DDX10: variants seen among roughly 807,000 people sequenced by gnomAD.
DDX10 encodes DEAD-box helicase 10.
A neutral mutation model predicts 104.3 loss-of-function variants in DDX10; 74 were observed. That is an observed-to-expected ratio of 0.71 (90% CI 0.59 to 0.86). The LOEUF (loss-of-function observed/expected upper bound fraction) is 0.86, where lower values mean the gene tolerates loss of function less well. Ranked by LOEUF, DDX10 falls within the 40% of genes least tolerant of loss-of-function variation. The pLI, the probability that DDX10 is intolerant of heterozygous loss-of-function variation, is 0.00. For missense variants in DDX10, 952 were observed against 1,040.0 expected (o/e 0.92, Z 1.16); for synonymous variants, 351 against 353.4 (o/e 0.99, Z 0.08).
intron 13 of DDX10, among the ~76,000 whole-genome samples, chr11:108,794,123 A>T (rs1861907689): frequency 6.6e-6 from 1 of 152,184 alleles, no homozygotes; most frequent in Admixed American, 6.5e-5. Flanking sequence ...TATTGTGAAT[A>T]GTGCTTGCTG....
At chr11:108,725,340 A>G (rs1018168013) in intron 13 of DDX10, among the ~76,000 whole-genome samples, 1 of 152,112 alleles carries the variant, frequency 6.6e-6, no homozygotes, top group African/African-American at 2.4e-5. Context: ...TTCTAGGAAT[A>G]GGGTTACTGG....
intron 13 of DDX10, among the ~76,000 whole-genome samples, chr11:108,761,690 G>A (rs544928875): frequency 1.3e-5 from 2 of 152,228 alleles, no homozygotes; most frequent in East Asian, 1.9e-4. Flanking sequence ...AAGACATTTA[G>A]TATCCCTAAT....
At position 108,940,637 on chromosome 11, in the gene DDX10, T is replaced by C. The variant is rs1209375165; in HGVS notation, c.*214T>C. 2.5e-6 allele frequency: 1 copy of C among 402,422 alleles called. No individual in the cohort carries two copies. The highest frequency in any genetic ancestry group is 4.4e-6 in the Non-Finnish European group (1 of 227,030). 24.9% of individuals were successfully genotyped at this position (402,422 alleles called of 1,614,324 possible). On this transcript the variant is annotated 3_prime_UTR_variant, in exon 18 of 18. Coordinates refer to ENST00000322536, the MANE Select transcript of DDX10 (RefSeq NM_004398.4). Reference sequence around the variant, plus strand: ...CTCAGATCGAGGGTGGATGATACCATTTCCTGACCCCGTTTTCCAGCATGT... The same window carrying C: ...CTCAGATCGAGGGTGGATGATACCACTTCCTGACCCCGTTTTCCAGCATGT...
At chr11:108,683,280 G>T (rs1340403436) in intron 6 of DDX10, among the ~76,000 whole-genome samples, 3 of 152,148 alleles carry the variant, frequency 2.0e-5, no homozygotes, top group African/African-American at 7.2e-5. Flanking sequence ...ACTTATGTGT[G>T]CTCTGTTTAG....
At chr11:108,826,795 A>G (rs755383425) in intron 13 of DDX10, among the ~76,000 whole-genome samples, 1 of 152,196 alleles carries the variant, frequency 6.6e-6, no homozygotes, top group Non-Finnish European at 1.5e-5. Context: ...GATCCAGAAC[A>G]CTGAAGCTCT....
intron 15 of DDX10, among the ~76,000 whole-genome samples, chr11:108,843,391 C>CTTACATCCTT (rs1555032487): frequency 7.3e-6 from 1 of 137,744 alleles, no homozygotes; most frequent in Non-Finnish European, 1.5e-5. Context: ...CTTGCACATC[C>CTTACATCCTT]TTTTTTTTTT....
intron 16 of DDX10, among the ~76,000 whole-genome samples, chr11:108,911,060 C>T (rs1309580734): frequency 1.3e-5 from 2 of 152,128 alleles, no homozygotes; most frequent in East Asian, 3.9e-4. Context: ...AATTGATTCG[C>T]TCTTGATTGA....
intron 16 of DDX10, among the ~76,000 whole-genome samples, chr11:108,861,771 G>C (rs1225315734): frequency 6.6e-6 from 1 of 152,096 alleles, no homozygotes; most frequent in East Asian, 1.9e-4. Context: ...CCTATGGTTT[G>C]TGCAGTTTTT....
intron 13 of DDX10, among the ~76,000 whole-genome samples, chr11:108,792,778 AT>A (rs1468263503): frequency 6.6e-6 from 1 of 152,164 alleles, no homozygotes; most frequent in Middle Eastern, 3.2e-3. Flanking sequence ...TTTAATTACT[AT>A]GAAAAGATTG....
intron 9 of DDX10, among the ~76,000 whole-genome samples, chr11:108,694,525 C>T (rs1197993555): frequency 6.6e-6 from 1 of 152,212 alleles, no homozygotes; most frequent in African/African-American, 2.4e-5. Flanking sequence ...TCTTCCTATA[C>T]TCCCCACTTC....
At chr11:108,794,578 A>G (rs2134551068) in intron 13 of DDX10, among the ~76,000 whole-genome samples, 1 of 151,426 alleles carries the variant, frequency 6.6e-6, no homozygotes, top group South Asian at 2.1e-4. Context: ...TTAATCACAA[A>G]TGGGTCTTGA....
chr11:108,894,562 C>T (rs992929147), intron 16 of DDX10, among the ~76,000 whole-genome samples: 9 of 152,006 alleles, frequency 5.9e-5, no homozygotes. Context: ...AGAAAATTAT[C>T]ATGGCATATC....
intron 13 of DDX10, among the ~76,000 whole-genome samples, chr11:108,832,321 T>A (rs1862484024): frequency 1.3e-5 from 2 of 152,180 alleles, no homozygotes; most frequent in Admixed American, 1.3e-4. Context: ...AAACATTTAC[T>A]AAAATTGATT....
chr11:108,804,535 G>A (rs1862070987), intron 13 of DDX10, among the ~76,000 whole-genome samples: 1 of 146,176 alleles, frequency 6.8e-6, no homozygotes. Context: ...AAAAGAAGTT[G>A]CCACAAAATT....
chr11:108,752,440 T>TAG (rs969762728), intron 13 of DDX10, among the ~76,000 whole-genome samples: 2 of 152,116 alleles, frequency 1.3e-5, no homozygotes, highest in African/African-American at 4.8e-5. Flanking sequence ...GTAATTCAAG[T>TAG]AGAGCCTTGA....
At chr11:108,816,227 A>G (rs1220762819) in intron 13 of DDX10, among the ~76,000 whole-genome samples, 2 of 152,012 alleles carry the variant, frequency 1.3e-5, no homozygotes, top group Admixed American at 6.6e-5. Context: ...TCTAATCTCC[A>G]TCTACGTATG....
chr11:108,721,024 T>C (rs2094297733), intron 12 of DDX10, among the ~76,000 whole-genome samples: 1 of 152,122 alleles, frequency 6.6e-6, no homozygotes, highest in South Asian at 2.1e-4. Flanking sequence ...AATCATACTT[T>C]GAATATCAGC....
intron 13 of DDX10, among the ~76,000 whole-genome samples, chr11:108,825,245 G>T (rs926393728): frequency 6.6e-6 from 1 of 152,186 alleles, no homozygotes; most frequent in Non-Finnish European, 1.5e-5. Flanking sequence ...TGGAATGAGG[G>T]CTTGAGGGAA....
chr11:108,866,298 C>T (rs1249595664), intron 16 of DDX10, among the ~76,000 whole-genome samples: 4 of 152,114 alleles, frequency 2.6e-5, no homozygotes, highest in Non-Finnish European at 4.4e-5. Flanking sequence ...AGGACTTGGA[C>T]AGGAGTGCCA....
Sources: gnomAD v4.1 joint callset for allele counts (sites outside exome capture counted in the v4.1 genomes callset) on GRCh38, gnomAD v4.1.1 for gene constraint, MANE v1.5 for transcripts, NCBI Gene and HGNC (gene_info 2026-07-23, HGNC 2026-07-21) for gene names.